The following GPR158 variants were observed in gnomAD, a reference collection of about 807,000 sequenced individuals.
GPR158 encodes the protein G protein-coupled receptor 158, also known as metabotropic glycine receptor.
GPR158 carries 30 observed loss-of-function variants against 78.2 expected under a neutral mutation model. That is an observed-to-expected ratio of 0.38 (90% CI 0.29 to 0.52). GPR158 has a LOEUF of 0.52. Ranked by LOEUF, GPR158 falls within the 20% of genes least tolerant of loss-of-function variation. The probability of loss-of-function intolerance (pLI) is 0.83; values close to 1 mark genes in which losing one functional copy is unlikely to be tolerated. For synonymous variants in GPR158, 581 were observed against 591.1 expected (o/e 0.98, Z 0.25); for missense variants, 1,463 against 1,523.5 (o/e 0.96, Z 0.66).
Position 25,588,994 on chromosome 10 carries a change from G to A in GPR158, c.1754-13G>A. ...CCTATAAAACTCATGAAAATGGTTTGTTATTTTCACAGCTGAATTTTTATT... is the reference window on the plus strand; with the variant it reads ...CCTATAAAACTCATGAAAATGGTTTATTATTTTCACAGCTGAATTTTTATT... On this transcript the variant is annotated splice_polypyrimidine_tract_variant and intron_variant, in intron 7 of 10. Transcript: ENST00000376351. The A allele has an allele frequency of 6.5e-7, 1 of 1,529,740 alleles. No homozygotes were observed. Among genetic ancestry groups the A allele is most frequent in the South Asian group, 1.3e-5 (1 of 78,464 alleles). 94.8% of individuals were successfully genotyped at this position (1,529,740 alleles called of 1,614,324 possible). A position where few individuals can be genotyped will look rare whatever the true frequency, so the allele number is the denominator to read the frequency against.
chr10:25,442,163 G>A (rs1207219229), intron 4 of GPR158, among the ~76,000 whole-genome samples: 1 of 152,188 alleles, frequency 6.6e-6, no homozygotes, highest in African/African-American at 2.4e-5. Flanking sequence ...AGCGTGAAGT[G>A]ACTGAGAGAT....
At position 25,592,771 on chromosome 10, in the gene GPR158, A is replaced by T. The variant is rs1289666368; in HGVS notation, c.1893-1521A>T. On this transcript the variant is annotated intron_variant, in intron 8 of 10. Coordinates refer to ENST00000376351, the MANE Select transcript of GPR158 (RefSeq NM_020752.3). Reference sequence around the variant, plus strand: ...GATCCTTTTATGAATGTCTCCTTTAATGTAACTTTCTGCTCCAATACTGGA... The same window carrying T: ...GATCCTTTTATGAATGTCTCCTTTATTGTAACTTTCTGCTCCAATACTGGA... 4.0e-5 allele frequency among the ~76,000 whole-genome samples: 6 copies of T among 151,880 alleles called. No homozygotes were observed. In the South Asian group the frequency reaches 1.2e-3, roughly 32 times the overall value.
At chr10:25,404,236 T>C (rs898287678) in intron 3 of GPR158, among the ~76,000 whole-genome samples, 4 of 152,110 alleles carry the variant, frequency 2.6e-5, no homozygotes, top group Non-Finnish European at 5.9e-5. Context: ...TCTTGACTTT[T>C]GGTTTTGCTT....
At chr10:25,332,116 G>C (rs518751) in intron 2 of GPR158, among the ~76,000 whole-genome samples, 84,316 of 146,528 alleles carry the variant, frequency 0.58, 27,089 homozygotes, top group Non-Finnish European at 0.75. Context: ...AAATCACCTG[G>C]GGGGGGGCGA....
At chr10:25,305,004 A>T (rs1040414222) in intron 2 of GPR158, among the ~76,000 whole-genome samples, 3 of 152,216 alleles carry the variant, frequency 2.0e-5, no homozygotes, top group African/African-American at 7.2e-5. Flanking sequence ...CTCTTCAAAG[A>T]TCTTCTAGGG....
intron 2 of GPR158, among the ~76,000 whole-genome samples, chr10:25,347,084 G>T (rs1855381349): frequency 6.6e-6 from 1 of 151,922 alleles, no homozygotes; most frequent in African/African-American, 2.4e-5. Context: ...GCCTGTATTT[G>T]TTCTCTTATG....
intron 2 of GPR158, among the ~76,000 whole-genome samples, chr10:25,288,343 T>G (rs1435437392): frequency 6.6e-6 from 1 of 152,216 alleles, no homozygotes; most frequent in Admixed American, 6.5e-5. Flanking sequence ...AGTCCTGCTC[T>G]TTTATTTTAC....
intron 5 of GPR158, among the ~76,000 whole-genome samples, chr10:25,505,054 G>A (rs967836682): frequency 6.6e-6 from 1 of 152,204 alleles, no homozygotes; most frequent in Non-Finnish European, 1.5e-5. Flanking sequence ...AATAGTGCCT[G>A]CCTCATAGAA....
chr10:25,554,423 T>C (rs904945520), intron 6 of GPR158, among the ~76,000 whole-genome samples: 3 of 152,198 alleles, frequency 2.0e-5, no homozygotes, highest in Admixed American at 2.0e-4. Flanking sequence ...TACTTCTTTC[T>C]CTTATCACCT....
intron 2 of GPR158, among the ~76,000 whole-genome samples, chr10:25,364,388 A>G (rs548797639): frequency 9.3e-4 from 142 of 152,014 alleles, no homozygotes; most frequent in African/African-American, 3.3e-3. Flanking sequence ...AGTATCCTCA[A>G]ATCTTTTTTC....
chr10:25,335,431 A>G (rs1470137264), intron 2 of GPR158, among the ~76,000 whole-genome samples: 1 of 152,102 alleles, frequency 6.6e-6, no homozygotes, highest in Non-Finnish European at 1.5e-5. Flanking sequence ...GTTGACTTTT[A>G]TATGTTGAAT....
At chr10:25,414,978 C>T (rs1773690) in intron 4 of GPR158, among the ~76,000 whole-genome samples, 63,172 of 151,886 alleles carry the variant, frequency 0.42, 14,660 homozygotes, top group Middle Eastern at 0.55. Context: ...TATTGTCTAG[C>T]TTTCTCCTCT....
chr10:25,425,566 A>C (rs545417507), intron 4 of GPR158, among the ~76,000 whole-genome samples: 45 of 152,192 alleles, frequency 3.0e-4, no homozygotes, highest in South Asian at 1.5e-3. Flanking sequence ...TACTTAAACA[A>C]AAAAGCTCCT....
rs1852777799 is a variant in GPR158, at chr10:25,192,039, CTG to C, written c.902+15721_902+15722del. On this transcript the variant is annotated intron_variant, in intron 1 of 10. Coordinates refer to ENST00000376351, the MANE Select transcript of GPR158 (RefSeq NM_020752.3). ...GTATTCAGTGCCTGATACGGTTTGG[CTG>C]TGTCTGCACCCAAAATCTCATCTTG... Among the ~76,000 whole-genome samples the C allele has an allele frequency of 1.3e-5, 2 of 152,156 alleles. 1 individual carries two copies. The highest frequency in any genetic ancestry group is 4.1e-4 in the South Asian group (2 of 4,830).
chr10:25,312,837 C>T (rs1476064529), intron 2 of GPR158, among the ~76,000 whole-genome samples: 1 of 152,040 alleles, frequency 6.6e-6, no homozygotes, highest in Non-Finnish European at 1.5e-5. Context: ...AGAATACAAT[C>T]GTTATTAATC....
At chr10:25,574,239 A>G (rs146054506) in intron 7 of GPR158, among the ~76,000 whole-genome samples, 64 of 150,794 alleles carry the variant, frequency 4.2e-4, no homozygotes, top group Admixed American at 1.9e-3. Flanking sequence ...GTTTTTATGC[A>G]TTGGAATTGA....
In GPR158 at chr10:25,269,717, C is replaced by T. The variant is rs983030989; in HGVS notation, c.1008+48560C>T. Among the ~76,000 whole-genome samples, 35 of 152,210 alleles carry T rather than the reference C, an allele frequency of 2.3e-4. 1 individual carries two copies. The highest frequency in any genetic ancestry group is 1.0e-4 in the Non-Finnish European group (7 of 68,024). On this transcript the variant is annotated intron_variant, in intron 2 of 10. Coordinates refer to ENST00000376351, the MANE Select transcript of GPR158 (RefSeq NM_020752.3). ...CTGCAACCATGTAATGAAATTGCAG[C>T]TGTTTTCCCCATTTCATGAATGAGA...
intron 4 of GPR158, among the ~76,000 whole-genome samples, chr10:25,448,304 A>G (rs568068061): frequency 1.5e-4 from 22 of 151,460 alleles, no homozygotes; most frequent in Middle Eastern, 3.4e-3. Context: ...GTTAGCCAGG[A>G]TGGTCTCGAT....
At chr10:25,197,179 C>CAG (rs1488695265) in intron 1 of GPR158, among the ~76,000 whole-genome samples, 10 of 152,298 alleles carry the variant, frequency 6.6e-5, no homozygotes, top group Non-Finnish European at 1.5e-4. Context: ...GGCCCTCTGA[C>CAG]CAGTCTTCTT....
Sources: allele counts gnomAD v4.1 joint callset (sites outside exome capture counted in the v4.1 genomes callset), GRCh38; gene constraint gnomAD v4.1.1; transcripts MANE v1.5; gene names NCBI Gene and HGNC (gene_info 2026-07-23, HGNC 2026-07-21).